The following ZNF407 variants were observed in gnomAD, a reference collection of about 807,000 sequenced individuals.
The protein encoded by ZNF407 is zinc finger protein 407.
A neutral mutation model predicts 131.2 loss-of-function variants in ZNF407; 17 were observed. The observed-to-expected ratio is 0.13, with a 90% CI of 0.09 to 0.19. ZNF407 has a LOEUF of 0.19. Among genes scored for constraint, ZNF407 ranks in the 10% least tolerant of loss-of-function variants. ZNF407 has a pLI of 1.00. For missense variants in ZNF407, 2,681 were observed against 2,830.6 expected (o/e 0.95, Z 1.20); for synonymous variants, 1,156 against 1,062.0 (o/e 1.09, Z -1.72).
chr18:74,877,052 A>T (rs982835471), intron 4 of ZNF407, 145 bp from the exon 5 acceptor site: 1 of 670,454 alleles, frequency 1.5e-6, no homozygotes, highest in African/African-American at 1.8e-5. Flanking sequence ...ATGCCTGGTT[A>T]TACAGACATG....
intron 3 of ZNF407, among the ~76,000 whole-genome samples, chr18:74,718,753 T>TATG (rs1208997623): frequency 1.3e-5 from 2 of 152,212 alleles, no homozygotes; most frequent in East Asian, 3.9e-4. Flanking sequence ...CCTTGTATCC[T>TATG]ATGACTTTTC....
intron 3 of ZNF407, among the ~76,000 whole-genome samples, chr18:74,673,209 A>AAACT (rs1319566342): frequency 1.9e-4 from 29 of 152,362 alleles, no homozygotes; most frequent in African/African-American, 6.7e-4. Context: ...AGATGACCAC[A>AAACT]AACTTAGGCC....
At chr18:74,730,905 G>T (rs1345509949) in intron 3 of ZNF407, among the ~76,000 whole-genome samples, 1 of 152,150 alleles carries the variant, frequency 6.6e-6, no homozygotes, top group Non-Finnish European at 1.5e-5. Flanking sequence ...TCCCCCTTAA[G>T]AATTTTTGAT....
At chr18:74,813,458 G>A (rs1328195907) in intron 4 of ZNF407, among the ~76,000 whole-genome samples, 1 of 125,776 alleles carries the variant, frequency 8.0e-6, no homozygotes, top group Non-Finnish European at 1.6e-5. Flanking sequence ...TTCGCTCTGC[G>A]TCACCCCCTT....
At chr18:74,890,443 A>G (rs1270947811) in intron 7 of ZNF407, among the ~76,000 whole-genome samples, 6 of 152,234 alleles carry the variant, frequency 3.9e-5, no homozygotes, top group Non-Finnish European at 7.3e-5. Flanking sequence ...TGTATCTGCC[A>G]TTATAATATC....
chr18:74,755,771 T>TTCTTTCTTTCTC lies in ZNF407; in HGVS notation c.4803-25654_4803-25653insTTCTTTCTCTCT, dbSNP rs1265035731. On this transcript the variant is annotated intron_variant, in intron 3 of 8. Coordinates refer to ENST00000299687, the MANE Select transcript of ZNF407 (RefSeq NM_017757.3). ...TTTCTTTCTTTCTTTCTTTCTTTCT[T>TTCTTTCTTTCTC]TCTCTCTCTCTCTTTCCTTCCTTCT... 1.0e-3 allele frequency among the ~76,000 whole-genome samples: 130 copies of TTCTTTCTTTCTC among 130,556 alleles called. 1 individual carries two copies. Among genetic ancestry groups the TTCTTTCTTTCTC allele is most frequent in the Middle Eastern group, 4.1e-3 (1 of 244 alleles). 85.6% of individuals were successfully genotyped at this position (130,556 alleles called of 152,430 possible).
chr18:74,656,567 C>T (rs1050656307), intron 3 of ZNF407, among the ~76,000 whole-genome samples: 1 of 152,054 alleles, frequency 6.6e-6, no homozygotes, highest in Admixed American at 6.6e-5. Flanking sequence ...TACTTTGATT[C>T]TTAAACCATG....
chr18:74,625,334 A>ATGTG (rs72386590), intron 1 of ZNF407, among the ~76,000 whole-genome samples: 8 of 149,014 alleles, frequency 5.4e-5, no homozygotes, highest in South Asian at 2.1e-4. Context: ...CTCTAAGCAA[A>ATGTG]TGTGTGTGTG....
intron 4 of ZNF407, among the ~76,000 whole-genome samples, chr18:74,808,347 G>A (rs1441862518): frequency 1.3e-5 from 2 of 152,040 alleles, no homozygotes; most frequent in East Asian, 3.9e-4. Context: ...TAGTATCTTT[G>A]CTCATAAAGC....
intron 4 of ZNF407, among the ~76,000 whole-genome samples, chr18:74,796,772 CT>C (rs1300235507): frequency 1.3e-5 from 2 of 152,152 alleles, no homozygotes; most frequent in African/African-American, 4.8e-5. Flanking sequence ...TCTATTTAAA[CT>C]GTAAAACATG....
chr18:74,861,496 A>G (rs190309645), intron 4 of ZNF407, among the ~76,000 whole-genome samples: 1 of 152,356 alleles, frequency 6.6e-6, no homozygotes, highest in Admixed American at 6.5e-5. Context: ...CAAGGAGATA[A>G]ATAGGAATTT....
At position 74,631,092 on chromosome 18, in the gene ZNF407, A is replaced by G; in HGVS notation, c.73A>G (p.Lys25Glu). The G allele has an allele frequency of 6.2e-7, 1 of 1,613,648 alleles. No homozygotes were observed. The highest frequency in any genetic ancestry group is 1.1e-5 in the South Asian group (1 of 90,982). Residue 25 changes from lysine to glutamate, a missense_variant, in exon 2 of 9, where the codon AAG becomes GAG. Around this residue, in one of 6 missense-constraint regions of ZNF407, gnomAD observed 1,789 missense variants for 1,748.7 expected, o/e 1.02. Transcript: ENST00000299687. ...AAACAAAGAAGCACAAGACTTGACA[A>G]AGCTTTCATCCCATAATGAAGACGG... ...KINKEAQDLT[K>E]LSSHNEDGGP...
intron 7 of ZNF407, among the ~76,000 whole-genome samples, chr18:74,893,579 T>C (rs1220011329): frequency 4.6e-5 from 7 of 152,170 alleles, no homozygotes; most frequent in Admixed American, 3.9e-4. Context: ...AAAAAAGATT[T>C]AAAAATGAGC....
intron 3 of ZNF407, among the ~76,000 whole-genome samples, chr18:74,743,685 A>G (rs1019523714): frequency 2.6e-5 from 4 of 151,988 alleles, no homozygotes; most frequent in Non-Finnish European, 4.4e-5. Flanking sequence ...AAATGTTGTG[A>G]AAGAAACTTT....
At chr18:74,794,147 G>T (rs1241915455) in intron 4 of ZNF407, among the ~76,000 whole-genome samples, 1 of 152,196 alleles carries the variant, frequency 6.6e-6, no homozygotes, top group East Asian at 1.9e-4. Flanking sequence ...CTCCGGGTGA[G>T]AACAGTGGCA....
chr18:74,937,848 T>G (rs571223141), intron 8 of ZNF407, among the ~76,000 whole-genome samples: 2 of 152,350 alleles, frequency 1.3e-5, no homozygotes, highest in South Asian at 4.1e-4. Flanking sequence ...TATGTAACCA[T>G]ATTTGAATCA....
At position 74,632,299 on chromosome 18, in the gene ZNF407, T is replaced by G; in HGVS notation, c.1280T>G (p.Phe427Cys). 6.2e-7 allele frequency: 1 copy of G among 1,613,962 alleles called. No homozygotes were observed. ...ERNILVLGNS[F>C]RRRSSTFTLK... ...AATATTCTCGTGTTGGGTAATAGCT[T>G]TCGTCGACGAAGCAGCACTTTCACC... Residue 427 changes from phenylalanine (F) to cysteine (C), a missense_variant, in exon 2 of 9, where the codon TTT becomes TGT. By Grantham distance (205) the Phe-to-Cys change is radical. Coordinates refer to ENST00000299687, the MANE Select transcript of ZNF407 (RefSeq NM_017757.3).
At chr18:74,913,217 G>A (rs1393377658) in intron 7 of ZNF407, among the ~76,000 whole-genome samples, 2 of 152,188 alleles carry the variant, frequency 1.3e-5, no homozygotes, top group Non-Finnish European at 2.9e-5. Context: ...TGATGCGATT[G>A]TCATGGCACC....
intron 3 of ZNF407, among the ~76,000 whole-genome samples, chr18:74,780,957 TA>T: frequency 6.6e-6 from 1 of 152,294 alleles, no homozygotes; most frequent in South Asian, 2.1e-4. Context: ...GTATTATTTT[TA>T]AAAACCTCTC....
Sources: gnomAD v4.1 joint callset for allele counts (sites outside exome capture counted in the v4.1 genomes callset) on GRCh38, gnomAD v4.1.1 for gene constraint, gnomAD v4.1.1 regional missense constraint, MANE v1.5 for transcripts, NCBI Gene and HGNC (gene_info 2026-07-23, HGNC 2026-07-21) for gene names.